The following KDM4C variants were observed in gnomAD, a reference collection of about 807,000 sequenced individuals.
The protein encoded by KDM4C is lysine demethylase 4C.
A neutral mutation model predicts 129.3 loss-of-function variants in KDM4C; 81 were observed. The observed-to-expected ratio is 0.63, with a 90% CI of 0.52 to 0.75. KDM4C has a LOEUF of 0.75. Among genes scored for constraint, KDM4C ranks in the 30% least tolerant of loss-of-function variants. The pLI, the probability that KDM4C is intolerant of heterozygous loss-of-function variation, is 0.00. For missense variants in KDM4C, 1,457 were observed against 1,304.0 expected, an observed-to-expected ratio of 1.12 and a Z score of -1.81; for synonymous variants, 573 against 456.1, an observed-to-expected ratio of 1.26 and a Z score of -3.26.
chr9:6,774,401 A>G, intron 1 of KDM4C, among the ~76,000 whole-genome samples: 1 of 151,842 alleles, frequency 6.6e-6, no homozygotes, highest in Non-Finnish European at 1.5e-5. Flanking sequence ...GTGGTGGCTC[A>G]TGCCTGTAAT....
intron 4 of KDM4C, among the ~76,000 whole-genome samples, chr9:6,823,419 C>T (rs116259453): frequency 5.3e-5 from 8 of 152,302 alleles, no homozygotes; most frequent in African/African-American, 1.9e-4. Flanking sequence ...TGAGAATTTC[C>T]TGTGTGTGTA....
chr9:7,103,973 CATT>C (rs1361987969), intron 18 of KDM4C, 103 bp downstream of exon 18: 3 of 1,005,562 alleles, frequency 3.0e-6, no homozygotes, highest in East Asian at 2.6e-5. Flanking sequence ...TAATATGACT[CATT>C]GTTGACATGT....
At chr9:6,823,771 C>A (rs1257717616) in intron 4 of KDM4C, among the ~76,000 whole-genome samples, 1 of 152,192 alleles carries the variant, frequency 6.6e-6, no homozygotes, top group South Asian at 2.1e-4. Flanking sequence ...TCTTCAGGAG[C>A]AACTCTGCTA....
At chr9:6,925,602 G>T in intron 8 of KDM4C, 5 of 985,388 alleles carry the variant, frequency 5.1e-6, no homozygotes, top group Non-Finnish European at 6.0e-6. Flanking sequence ...CAGACCCTCA[G>T]TTCTAAAACC....
intron 5 of KDM4C, among the ~76,000 whole-genome samples, chr9:6,872,653 T>C (rs1842953424): frequency 6.6e-6 from 1 of 152,192 alleles, no homozygotes; most frequent in Non-Finnish European, 1.5e-5. Flanking sequence ...TCTTTGTTGG[T>C]TTAAAGTCTG....
At chr9:6,945,212 A>T (rs1023331592) in intron 8 of KDM4C, among the ~76,000 whole-genome samples, 1 of 151,926 alleles carries the variant, frequency 6.6e-6, no homozygotes, top group Non-Finnish European at 1.5e-5. Context: ...TTTCTCTCTC[A>T]TTTTTTCCTT....
chr9:6,740,852 G>C (rs1328907521), intron 1 of KDM4C, among the ~76,000 whole-genome samples: 1 of 151,086 alleles, frequency 6.6e-6, no homozygotes, highest in Non-Finnish European at 1.5e-5. Flanking sequence ...TTTTGAGACG[G>C]AGTCTCACTC....
At chr9:6,970,637 A>T (rs1563909326) in intron 8 of KDM4C, among the ~76,000 whole-genome samples, 1 of 152,236 alleles carries the variant, frequency 6.6e-6, no homozygotes, top group Non-Finnish European at 1.5e-5. Context: ...CAGAGATTAT[A>T]TGGATCAGGT....
intron 17 of KDM4C, among the ~76,000 whole-genome samples, chr9:7,052,906 C>T (rs372716018): frequency 0.063 from 3,022 of 47,918 alleles, 263 homozygotes; most frequent in African/African-American, 0.14. Flanking sequence ...AGAGAGCGAG[C>T]GAGTGCCCAA....
At chr9:7,167,792 G>C (rs1466896579) in intron 20 of KDM4C, among the ~76,000 whole-genome samples, 1 of 152,214 alleles carries the variant, frequency 6.6e-6, no homozygotes, top group East Asian at 1.9e-4. Context: ...CCAATGCATT[G>C]GCACAGATGT....
intron 4 of KDM4C, chr9:6,818,885 T>C (rs1020963610): frequency 1.3e-5 from 2 of 152,170 alleles, no homozygotes; most frequent in African/African-American, 4.8e-5. Context: ...TATGTAAAAC[T>C]AGGTCTTTGT....
At chr9:6,802,826 T>G (rs1829263090) in intron 2 of KDM4C, among the ~76,000 whole-genome samples, 1 of 152,190 alleles carries the variant, frequency 6.6e-6, no homozygotes, top group Non-Finnish European at 1.5e-5. Context: ...AAGCTGATCT[T>G]AAACTTCTGA....
In KDM4C at chr9:6,939,071, C is replaced by G. The variant is rs572783888; in HGVS notation, c.922-41854C>G. 2.0e-5 allele frequency among the ~76,000 whole-genome samples: 3 copies of G among 151,632 alleles called. No homozygotes were observed. The East Asian group carries it at 6.2e-4, about 31-fold the overall frequency. On this transcript the variant is annotated intron_variant, in intron 8 of 21. Coordinates refer to ENST00000381309, the MANE Select transcript of KDM4C (RefSeq NM_015061.6). ...GCCACAGATCTCCTGCTGTGTGGCCCAGTTCCTAACAGGCCACAGACTGCT... is the reference window on the plus strand; with the variant it reads ...GCCACAGATCTCCTGCTGTGTGGCCGAGTTCCTAACAGGCCACAGACTGCT...
At chr9:6,798,777 G>A (rs1828270875) in intron 2 of KDM4C, among the ~76,000 whole-genome samples, 1 of 152,188 alleles carries the variant, frequency 6.6e-6, no homozygotes, top group African/African-American at 2.4e-5. Context: ...ACGGGGTGGT[G>A]GCCGGGCAGA....
At chr9:6,848,447 A>AC in intron 4 of KDM4C, among the ~76,000 whole-genome samples, 1 of 152,252 alleles carries the variant, frequency 6.6e-6, no homozygotes, top group South Asian at 2.1e-4. Flanking sequence ...TGGGCAGGTC[A>AC]CTTGAGGCCA....
intron 15 of KDM4C, among the ~76,000 whole-genome samples, chr9:7,030,347 A>G (rs1286484700): frequency 6.6e-6 from 1 of 152,166 alleles, no homozygotes; most frequent in East Asian, 1.9e-4. Flanking sequence ...ATTATACATC[A>G]TTCATCTATG....
At chr9:6,937,229 C>G (rs1324170736) in intron 8 of KDM4C, among the ~76,000 whole-genome samples, 1 of 152,146 alleles carries the variant, frequency 6.6e-6, no homozygotes, top group Non-Finnish European at 1.5e-5. Flanking sequence ...TAAAAATTTA[C>G]TCTCCTTGTT....
intron 8 of KDM4C, among the ~76,000 whole-genome samples, chr9:6,971,017 A>G (rs1363254520): frequency 6.6e-6 from 1 of 152,198 alleles, no homozygotes; most frequent in African/African-American, 2.4e-5. Context: ...GCTTATATTT[A>G]TGCACTGGTG....
intron 8 of KDM4C, among the ~76,000 whole-genome samples, chr9:6,922,402 C>A (rs1180619389): frequency 6.6e-6 from 1 of 152,104 alleles, no homozygotes; most frequent in Non-Finnish European, 1.5e-5. Context: ...CTGTTTTTTT[C>A]CCCCCCATTA....
Sources: gnomAD v4.1 joint callset for allele counts (sites outside exome capture counted in the v4.1 genomes callset) on GRCh38, gnomAD v4.1.1 for gene constraint, MANE v1.5 for transcripts, NCBI Gene and HGNC (gene_info 2026-07-23, HGNC 2026-07-21) for gene names.